The following MPHOSPH6 variants were observed in gnomAD, a reference collection of about 807,000 sequenced individuals.
The protein encoded by MPHOSPH6 is M-phase phosphoprotein 6.
MPHOSPH6 carries 25 observed loss-of-function variants against 21.8 expected under a neutral mutation model. The observed-to-expected ratio is 1.15, with a 90% confidence interval of 0.83 to 1.60. MPHOSPH6 has a LOEUF of 1.60. MPHOSPH6 is among the 40% of genes most tolerant of loss of function. The pLI, the probability that MPHOSPH6 is intolerant of heterozygous loss-of-function variation, is 0.00. For synonymous variants in MPHOSPH6, 84 were observed against 56.5 expected (o/e 1.49, Z -2.18); for missense variants, 269 against 181.8 (o/e 1.48, Z -2.76).
At chr16:82,149,489 T>G (rs1205002532) in intron 3 of MPHOSPH6, 86 bp from the exon 4 acceptor site, 18 of 1,114,074 alleles carry the variant, frequency 1.6e-5, no homozygotes, top group Non-Finnish European at 2.4e-5. Context: ...GCAGAGAAAC[T>G]GAAGTCAAAT....
At chr16:82,157,799 C>G (rs1055543302) in intron 2 of MPHOSPH6, among the ~76,000 whole-genome samples, 3 of 152,166 alleles carry the variant, frequency 2.0e-5, no homozygotes, top group Admixed American at 6.5e-5. Context: ...TGAAGAACAC[C>G]TGAAGTCCCC....
chr16:82,149,209 C>T, intron 4 of MPHOSPH6, 100 bp downstream of exon 4: 1 of 1,231,792 alleles, frequency 8.1e-7, no homozygotes, highest in Non-Finnish European at 1.2e-6. Context: ...CTGGGGGACT[C>T]CCTTGAAAGC....
intron 1 of MPHOSPH6, among the ~76,000 whole-genome samples, chr16:82,168,933 C>A (rs1197530958): frequency 1.3e-5 from 2 of 152,134 alleles, no homozygotes; most frequent in Non-Finnish European, 2.9e-5. Flanking sequence ...AGCCAGACTG[C>A]CTGAATTCCC....
At chr16:82,160,352 GC>G (rs1331611987) in intron 2 of MPHOSPH6, among the ~76,000 whole-genome samples, 1 of 152,054 alleles carries the variant, frequency 6.6e-6, no homozygotes, top group East Asian at 1.9e-4. Flanking sequence ...CTCAGAAAAA[GC>G]TGGACTTGCC....
intron 2 of MPHOSPH6, among the ~76,000 whole-genome samples, chr16:82,155,196 C>T (rs2911423): frequency 0.83 from 125,807 of 152,216 alleles, 52,217 homozygotes; most frequent in African/African-American, 0.9. Context: ...TCTCTGACCA[C>T]TGATCAGGGG....
chr16:82,154,869 AG>A (rs1223055995), intron 2 of MPHOSPH6, among the ~76,000 whole-genome samples: 1 of 152,226 alleles, frequency 6.6e-6, no homozygotes, highest in Non-Finnish European at 1.5e-5. Flanking sequence ...AAGAGGAGGT[AG>A]GAACACTTTC....
chr16:82,149,179 C>T (rs768880846), intron 4 of MPHOSPH6, 130 bp downstream of exon 4: 144 of 995,502 alleles, frequency 1.4e-4, no homozygotes, highest in Non-Finnish European at 2.0e-4. Flanking sequence ...AAGAGAAGGC[C>T]GATCACAGTC....
rs1483702765 is a variant in MPHOSPH6, at chr16:82,170,207, G to A, written c.-32C>T. 8 of 1,555,588 alleles carry A rather than the reference G, an allele frequency of 5.1e-6. No homozygotes were observed. The highest frequency in any genetic ancestry group is 1.7e-4 in the Middle Eastern group (1 of 5,818). On this transcript the variant is annotated 5_prime_UTR_variant, in exon 1 of 5. Transcript: ENST00000258169. ...TTCCGCCCAGCGCCGCACTCCGGCC[G>A]CGAGCCTCACCGCACATGCGCGGAG...
intron 2 of MPHOSPH6, among the ~76,000 whole-genome samples, chr16:82,160,332 G>C (rs775352844): frequency 2.0e-5 from 3 of 152,082 alleles, no homozygotes; most frequent in African/African-American, 7.2e-5. Flanking sequence ...TCGCAGATGA[G>C]AAACTACTGC....
intron 1 of MPHOSPH6, among the ~76,000 whole-genome samples, chr16:82,166,149 G>T (rs1404048269): frequency 1.3e-5 from 2 of 152,212 alleles, no homozygotes; most frequent in Non-Finnish European, 2.9e-5. Flanking sequence ...TTGCCGCTAG[G>T]GGAGGTGGCA....
chr16:82,148,983 A>G lies in MPHOSPH6; in HGVS notation c.351-120T>C, dbSNP rs1228362254. 1.3e-5 allele frequency: 17 copies of G among 1,259,694 alleles called. No homozygotes were observed. The African/African-American group carries it at 2.4e-4, about 18-fold the overall frequency. The allele number at this position is 1,259,694 out of a possible 1,614,324, so 78.0% of individuals were successfully genotyped here. On this transcript the variant is annotated intron_variant, in intron 4 of 4. Coordinates refer to ENST00000258169, the MANE Select transcript of MPHOSPH6 (RefSeq NM_005792.2). The stretch of plus-strand genomic sequence containing the variant: ...GATTACGAAAAAGAAAACTATCATT[A>G]AAAGAAACCATCTGATTTAACAATT...
chr16:82,159,250 G>A (rs761931133), intron 2 of MPHOSPH6, among the ~76,000 whole-genome samples: 8 of 152,106 alleles, frequency 5.3e-5, no homozygotes, highest in Non-Finnish European at 1.2e-4. Context: ...ACAGAAAACA[G>A]TGCCACTCTT....
At chr16:82,154,566 T>C (rs1449804082) in intron 2 of MPHOSPH6, among the ~76,000 whole-genome samples, 1 of 151,424 alleles carries the variant, frequency 6.6e-6, no homozygotes, top group African/African-American at 2.4e-5. Context: ...AACGAAAACA[T>C]GCATGCAATG....
intron 1 of MPHOSPH6, among the ~76,000 whole-genome samples, chr16:82,165,606 T>C (rs921698594): frequency 1.3e-5 from 2 of 152,232 alleles, no homozygotes; most frequent in Admixed American, 1.3e-4. Flanking sequence ...AGTGGTCCCA[T>C]AAGATTACAA....
intron 2 of MPHOSPH6, among the ~76,000 whole-genome samples, chr16:82,156,323 G>A (rs1162208160): frequency 2.0e-5 from 3 of 152,070 alleles, no homozygotes; most frequent in African/African-American, 7.2e-5. Flanking sequence ...CAATATTTCA[G>A]AAAGAAATAT....
chr16:82,148,630 C>T lies in MPHOSPH6; in HGVS notation c.*101G>A, dbSNP rs1054739131. 66 of 1,354,858 alleles carry T rather than the reference C, an allele frequency of 4.9e-5. No individual in the cohort carries two copies. The highest frequency in any genetic ancestry group is 2.2e-4 in the Middle Eastern group (1 of 4,528). 83.9% of individuals were successfully genotyped at this position (1,354,858 alleles called of 1,614,324 possible). On this transcript the variant is annotated 3_prime_UTR_variant, in exon 5 of 5. Transcript: ENST00000258169. ...AAATGATAATCTCTTTACAAGTAAACGTTACAGTATTAATAACTATAGAGA... is the reference window on the plus strand; with the variant it reads ...AAATGATAATCTCTTTACAAGTAAATGTTACAGTATTAATAACTATAGAGA...
chr16:82,163,872 A>AATGTGAT (rs139366235), intron 2 of MPHOSPH6: 33,189 of 471,760 alleles, frequency 0.07, 3,669 homozygotes, highest in African/African-American at 0.36. Flanking sequence ...AAAAAAGGAC[A>AATGTGAT]AAATAGTGGC....
intron 2 of MPHOSPH6, among the ~76,000 whole-genome samples, chr16:82,158,344 A>T (rs1279236552): frequency 2.0e-5 from 3 of 151,544 alleles, no homozygotes; most frequent in African/African-American, 7.3e-5. Context: ...CAAAAAAAAA[A>T]AAAAATTGGC....
In MPHOSPH6 at chr16:82,161,310, T is replaced by G. The variant is rs1191116330; in HGVS notation, c.164+2772A>C. On this transcript the variant is annotated intron_variant, in intron 2 of 4. Transcript: ENST00000258169. ...TCTCAGACCCAGAAGGTTCCTATCT[T>G]CCACCAGCATCAGTGAAAGTGTGGC... 2.0e-5 allele frequency among the ~76,000 whole-genome samples: 3 copies of G among 152,188 alleles called. No homozygotes were observed. In the East Asian group the frequency reaches 5.8e-4, roughly 29 times the overall value.
Sources: allele counts gnomAD v4.1 joint callset (sites outside exome capture counted in the v4.1 genomes callset), GRCh38; gene constraint gnomAD v4.1.1; transcripts MANE v1.5; gene names NCBI Gene and HGNC (gene_info 2026-07-23, HGNC 2026-07-21).